Variants in XDH observed in about 807,000 individuals in gnomAD.
XDH encodes the protein xanthine dehydrogenase/oxidase.
A neutral mutation model predicts 156.1 loss-of-function variants in XDH; 138 were observed. The ratio of observed to expected loss-of-function variants is 0.88; its 90% CI spans 0.77 to 1.02. The LOEUF (loss-of-function observed/expected upper bound fraction) is 1.02, where lower values mean the gene tolerates loss of function less well. XDH is among the 50% of genes least tolerant of loss of function. The pLI is 0.00. For missense variants in XDH, 1,849 were observed against 1,684.9 expected (o/e 1.10, Z -1.71); for synonymous variants, 669 against 625.7 (o/e 1.07, Z -1.03).
intron 19 of XDH, 23 bp downstream of exon 19, chr2:31,368,518 A>G: frequency 1.2e-6 from 2 of 1,614,116 alleles, no homozygotes; most frequent in Non-Finnish European, 8.5e-7. Context: ...ACTCCTCTAC[A>G]CAGGCAGCCC....
chr2:31,334,493 A>G lies in XDH; in HGVS notation c.*1465T>C, dbSNP rs1395959998. ...CCACCCAGCACCATGTAGGGATTAA[A>G]TCACCATTTGGAGCAATAAAAGGGA... On this transcript the variant is annotated 3_prime_UTR_variant, in exon 36 of 36. Coordinates refer to ENST00000379416, the MANE Select transcript of XDH (RefSeq NM_000379.4). 2.0e-5 allele frequency: 3 copies of G among 152,216 alleles called. No homozygotes were observed. Among genetic ancestry groups the G allele is most frequent in the African/African-American group, 7.2e-5 (3 of 41,452 alleles). The allele number at this position is 152,216 out of a possible 1,614,324, so 9.4% of individuals were successfully genotyped here.
intron 31 of XDH, among the ~76,000 whole-genome samples, chr2:31,343,311 T>TATATATATATATATGCATGTTTATAC (rs1685181936): frequency 1.3e-4 from 11 of 86,144 alleles, no homozygotes; most frequent in African/African-American, 6.1e-4. Context: ...TATATATATA[T>TATATATATATATATGCATGTTTATAC]ATATATATAT....
intron 14 of XDH, 88 bp from the exon 15 acceptor site, chr2:31,375,642 G>A: frequency 2.0e-6 from 3 of 1,478,950 alleles, no homozygotes; most frequent in South Asian, 2.4e-5. Context: ...CCTCGGAGCT[G>A]TACAAAGCTT....
At chr2:31,338,013 T>G (rs765196452) in intron 34 of XDH, among the ~76,000 whole-genome samples, 196 bp from the exon 35 acceptor site, 31 of 152,328 alleles carry the variant, frequency 2.0e-4, no homozygotes, top group Admixed American at 7.2e-4. Context: ...ACAATCAAGC[T>G]AGTACATGAC....
chr2:31,381,977 G>A (rs1195882436), intron 11 of XDH, among the ~76,000 whole-genome samples: 3 of 152,202 alleles, frequency 2.0e-5, no homozygotes, highest in African/African-American at 7.2e-5. Context: ...TTAAGTGTGT[G>A]TGTTTGATTG....
In XDH at chr2:31,403,224, T is replaced by C. The variant is rs1312017090; in HGVS notation, c.101-80A>G. 6.0e-6 allele frequency: 9 copies of C among 1,491,644 alleles called. No individual in the cohort carries two copies. In the African/African-American group the frequency reaches 9.6e-5, roughly 16 times the overall value. The allele number at this position is 1,491,644 out of a possible 1,614,324, so 92.4% of individuals were successfully genotyped here. On this transcript the variant is annotated intron_variant, in intron 2 of 35. Coordinates refer to ENST00000379416, the MANE Select transcript of XDH (RefSeq NM_000379.4). ...GCTAGGAAATGCCTGGGCAGAGCTG[T>C]GGGCAGAGCCATTCATTCCCACACG...
intron 31 of XDH, 31 bp from the exon 32 acceptor site, chr2:31,342,328 G>T (rs1315945848): frequency 6.4e-7 from 1 of 1,572,152 alleles, no homozygotes. Context: ...TACTGCACAT[G>T]TATTAACATG....
intron 9 of XDH, among the ~76,000 whole-genome samples, chr2:31,384,852 G>A (rs537714677): frequency 2.0e-5 from 3 of 152,284 alleles, no homozygotes; most frequent in South Asian, 2.1e-4. Flanking sequence ...CAAGTTCTAC[G>A]TTACTAAGGT....
chr2:31,368,689 C>T (rs373521381), intron 18 of XDH, 29 bp from the exon 19 acceptor site: 85 of 1,614,064 alleles, frequency 5.3e-5, no homozygotes, highest in South Asian at 7.7e-5. Flanking sequence ...TGTTAAAGAA[C>T]GCAACCAGGC....
At position 31,401,234 on chromosome 2, in the gene XDH, G is replaced by A. The variant is rs1486665301; in HGVS notation, c.292C>T (p.Leu98=). Reference sequence around the variant, plus strand: ...CCTCTGTTTACCTGCACAGGATGCAGCCTCGTCTTGGTGCTTCCTATTCCT... The same window carrying A: ...CCTCTGTTTACCTGCACAGGATGCAACCTCGTCTTGGTGCTTCCTATTCCT... ...VEGIGSTKTR[L]HPVQERIAKS... Residue 98 remains leucine (L), a synonymous_variant, in exon 4 of 36, where the codon CTG becomes TTG. Coordinates refer to ENST00000379416, the MANE Select transcript of XDH (RefSeq NM_000379.4). 4.6e-5 allele frequency: 75 copies of A among 1,614,082 alleles called. No homozygotes were observed. The highest frequency in any genetic ancestry group is 6.2e-5 in the Non-Finnish European group (73 of 1,180,044).
intron 1 of XDH, among the ~76,000 whole-genome samples, chr2:31,407,799 A>G (rs1687232605): frequency 6.6e-6 from 1 of 152,196 alleles, no homozygotes; most frequent in Non-Finnish European, 1.5e-5. Context: ...AACTGCCAGA[A>G]TTTGTCCTTT....
chr2:31,388,839 C>T (rs929994065), intron 6 of XDH, among the ~76,000 whole-genome samples: 3 of 152,218 alleles, frequency 2.0e-5, no homozygotes, highest in Non-Finnish European at 2.9e-5. Context: ...CACTTCTTCC[C>T]AGAAAGGTAA....
At chr2:31,371,022 C>A (rs548151753) in intron 17 of XDH, among the ~76,000 whole-genome samples, 93 of 152,346 alleles carry the variant, frequency 6.1e-4, no homozygotes, top group African/African-American at 2.2e-3. Flanking sequence ...GGCTGTGCCA[C>A]TGATCCAATG....
chr2:31,373,532 G>GGTTTGTTT (rs71405565), intron 16 of XDH, among the ~76,000 whole-genome samples: 33 of 149,898 alleles, frequency 2.2e-4, no homozygotes, highest in African/African-American at 2.7e-4. Flanking sequence ...GCAGATAGAT[G>GGTTTGTTT]GTTTGTTTGT....
chr2:31,351,311 G>A (rs185704617), intron 24 of XDH, among the ~76,000 whole-genome samples: 37 of 151,686 alleles, frequency 2.4e-4, no homozygotes, highest in Non-Finnish European at 4.6e-4. Context: ...GCTTCATTTT[G>A]TATGTACTTA....
chr2:31,354,560 CAGAT>C (rs762677614), intron 24 of XDH, among the ~76,000 whole-genome samples: 2 of 152,092 alleles, frequency 1.3e-5, no homozygotes, highest in East Asian at 1.9e-4. Flanking sequence ...TGGAAATAAA[CAGAT>C]AGTCTCACCA....
chr2:31,356,197 T>C (rs545712434), intron 24 of XDH, among the ~76,000 whole-genome samples: 1 of 152,234 alleles, frequency 6.6e-6, no homozygotes, highest in African/African-American at 2.4e-5. Flanking sequence ...TGCTCCTCTC[T>C]CAAAATTGGT....
chr2:31,349,090 G>A (rs1030412760), intron 26 of XDH, 110 bp from the exon 27 acceptor site: 1 of 1,061,634 alleles, frequency 9.4e-7, no homozygotes, highest in Middle Eastern at 2.8e-4. Flanking sequence ...CCACAAAGAT[G>A]AGAACAGTCA....
In XDH at chr2:31,383,195, T is replaced by A. The variant is rs761251565; in HGVS notation, c.887-43A>T. 3 of 1,613,784 alleles carry A rather than the reference T, an allele frequency of 1.9e-6. No homozygotes were observed. The Admixed American group carries it at 5.0e-5, about 27-fold the overall frequency. On this transcript the variant is annotated intron_variant, in intron 10 of 35. Coordinates refer to ENST00000379416, the MANE Select transcript of XDH (RefSeq NM_000379.4). ...GAATCACAGCAATTCTTCCCACAGT[T>A]CAGAAGAGGCTTTCATGCACAGCTC... is the stretch of plus-strand genomic sequence containing the variant.
Sources: allele counts gnomAD v4.1 joint callset (sites outside exome capture counted in the v4.1 genomes callset), GRCh38; gene constraint gnomAD v4.1.1; transcripts MANE v1.5; gene names NCBI Gene and HGNC (gene_info 2026-07-23, HGNC 2026-07-21).